The following SMYD3 variants were observed in gnomAD, a reference collection of about 807,000 sequenced individuals.
SMYD3 encodes the protein histone-lysine N-methyltransferase SMYD3.
In SMYD3, 36 loss-of-function variants were observed where a neutral mutation model predicts 57.7. That is an observed-to-expected ratio of 0.62 (90% confidence interval 0.48 to 0.82). SMYD3 has a LOEUF of 0.82. Ranked by LOEUF, SMYD3 falls within the 40% of genes least tolerant of loss-of-function variation. The pLI is 0.00. For missense variants in SMYD3, 515 were observed against 538.8 expected, an observed-to-expected ratio of 0.96 and a Z score of 0.44; for synonymous variants, 211 against 195.0, an observed-to-expected ratio of 1.08 and a Z score of -0.68.
intron 5 of SMYD3, among the ~76,000 whole-genome samples, chr1:246,105,066 A>T (rs1462025259): frequency 6.6e-6 from 1 of 152,132 alleles, no homozygotes; most frequent in Non-Finnish European, 1.5e-5. Context: ...AATCACAGGT[A>T]AGAGGACATT....
At chr1:245,793,068 T>C (rs755285739) in intron 10 of SMYD3, among the ~76,000 whole-genome samples, 1 of 56,170 alleles carries the variant, frequency 1.8e-5, no homozygotes, top group Non-Finnish European at 3.8e-5. Context: ...CCCAGCACTT[T>C]GGGAGGCCGA....
chr1:245,814,255 A>T, intron 10 of SMYD3: 1 of 535,732 alleles, frequency 1.9e-6, no homozygotes, highest in Non-Finnish European at 2.4e-6. Flanking sequence ...TTTTGAAGGT[A>T]AACAATTTAA....
At chr1:246,152,633 A>G (rs2061959044) in intron 5 of SMYD3, among the ~76,000 whole-genome samples, 1 of 152,232 alleles carries the variant, frequency 6.6e-6, no homozygotes, top group Admixed American at 6.5e-5. Context: ...ATTCGATTAG[A>G]TATACTTCCT....
At chr1:245,952,870 G>T (rs748892183) in intron 5 of SMYD3, among the ~76,000 whole-genome samples, 44 of 152,190 alleles carry the variant, frequency 2.9e-4, no homozygotes, top group Non-Finnish European at 5.1e-4. Flanking sequence ...ACAGGGTTGT[G>T]TCTCTGCAAA....
intron 5 of SMYD3, among the ~76,000 whole-genome samples, chr1:246,053,417 T>G (rs2060094637): frequency 6.6e-6 from 1 of 151,898 alleles, no homozygotes; most frequent in South Asian, 2.1e-4. Flanking sequence ...ATACACTACC[T>G]GATTTCAAGA....
At chr1:246,002,164 G>A (rs556107723) in intron 5 of SMYD3, among the ~76,000 whole-genome samples, 32 of 152,024 alleles carry the variant, frequency 2.1e-4, no homozygotes, top group Admixed American at 5.2e-4. Context: ...CCGGTCTGAC[G>A]GGCAAGATGA....
chr1:246,212,373 C>G (rs745720750), intron 5 of SMYD3, among the ~76,000 whole-genome samples: 1 of 151,712 alleles, frequency 6.6e-6, no homozygotes, highest in Non-Finnish European at 1.5e-5. Context: ...AAATGAGTAC[C>G]ATTAGGGTAT....
chr1:246,143,989 C>T lies in SMYD3; in HGVS notation c.531+183212G>A, dbSNP rs112113432. Among the ~76,000 whole-genome samples, 84 of 152,324 alleles carry T rather than the reference C, an allele frequency of 5.5e-4. 1 individual carries two copies. The highest frequency in any genetic ancestry group is 2.0e-3 in the African/African-American group (82 of 41,572). On this transcript the variant is annotated intron_variant, in intron 5 of 11. Transcript: ENST00000490107. ...AGCAGCATGGCTAACCAACAGCTTC[C>T]AGAAGTACCTGTAAAGATTGATAAC...
At position 246,049,446 on chromosome 1, in the gene SMYD3, G is replaced by A. The variant is rs569003052; in HGVS notation, c.532-119509C>T. On this transcript the variant is annotated intron_variant, in intron 5 of 11. Transcript: ENST00000490107. ...CCAGTAGCTAGGACTACAGGCGCCCGCCACCACGCCTGGCTAATTTTTTTT... is the reference window on the plus strand; with the variant it reads ...CCAGTAGCTAGGACTACAGGCGCCCACCACCACGCCTGGCTAATTTTTTTT... 2.8e-3 allele frequency among the ~76,000 whole-genome samples: 413 copies of A among 148,182 alleles called. 3 individuals are homozygous for A. Among genetic ancestry groups the A allele is most frequent in the African/African-American group, 9.6e-3 (380 of 39,644 alleles).
chr1:246,341,077 A>G (rs1394741820), intron 2 of SMYD3, among the ~76,000 whole-genome samples: 1 of 152,198 alleles, frequency 6.6e-6, no homozygotes, highest in African/African-American at 2.4e-5. Flanking sequence ...AGAAATTGCT[A>G]TTTTTGTCTT....
At chr1:246,031,321 T>C (rs2059669408) in intron 5 of SMYD3, among the ~76,000 whole-genome samples, 1 of 152,150 alleles carries the variant, frequency 6.6e-6, no homozygotes, top group African/African-American at 2.4e-5. Context: ...TGGAATCTTA[T>C]TTAGGTATTA....
chr1:246,047,589 G>C (rs2148314839), intron 5 of SMYD3, among the ~76,000 whole-genome samples: 1 of 152,290 alleles, frequency 6.6e-6, no homozygotes, highest in African/African-American at 2.4e-5. Flanking sequence ...TGTAATCCCA[G>C]CATTTTGGGA....
intron 1 of SMYD3, among the ~76,000 whole-genome samples, chr1:246,364,952 A>G (rs7519011): frequency 1 from 151,718 of 152,298 alleles, 75,571 homozygotes; most frequent in Non-Finnish European, 1. Flanking sequence ...GATAGTTCAG[A>G]CAAATATGAA....
At chr1:246,479,553 G>A (rs1046926413) in intron 1 of SMYD3, among the ~76,000 whole-genome samples, 7 of 120,864 alleles carry the variant, frequency 5.8e-5, no homozygotes, top group Non-Finnish European at 9.7e-5. Context: ...TGCCACCCAC[G>A]CTGGAGTGCA....
chr1:246,254,646 A>G (rs1236091230), intron 5 of SMYD3, among the ~76,000 whole-genome samples: 1 of 152,142 alleles, frequency 6.6e-6, no homozygotes. Flanking sequence ...TGTTAATTTT[A>G]GCATACTTCC....
At chr1:245,776,339 C>T (rs566841052) in intron 10 of SMYD3, among the ~76,000 whole-genome samples, 1 of 152,150 alleles carries the variant, frequency 6.6e-6, no homozygotes, top group South Asian at 2.1e-4. Flanking sequence ...TTGAGTGTTA[C>T]ATCAGTAAGA....
At chr1:246,100,745 AC>A (rs1388842886) in intron 5 of SMYD3, among the ~76,000 whole-genome samples, 1 of 151,518 alleles carries the variant, frequency 6.6e-6, no homozygotes, top group Non-Finnish European at 1.5e-5. Flanking sequence ...AATGAATGCG[AC>A]TCTCCAGAGG....
At chr1:246,070,244 T>A (rs770079199) in intron 5 of SMYD3, among the ~76,000 whole-genome samples, 1 of 152,162 alleles carries the variant, frequency 6.6e-6, no homozygotes, top group Non-Finnish European at 1.5e-5. Context: ...GCTGAACTGA[T>A]AACATTCATC....
intron 5 of SMYD3, among the ~76,000 whole-genome samples, chr1:246,264,085 T>C (rs761229005): frequency 6.6e-6 from 1 of 152,072 alleles, no homozygotes; most frequent in Non-Finnish European, 1.5e-5. Flanking sequence ...AACCTACATA[T>C]AAATAGAAGG....
Sources: gnomAD v4.1 joint callset for allele counts (sites outside exome capture counted in the v4.1 genomes callset) on GRCh38, gnomAD v4.1.1 for gene constraint, MANE v1.5 for transcripts, NCBI Gene and HGNC (gene_info 2026-07-23, HGNC 2026-07-21) for gene names.